Variants in DLG2 observed in about 807,000 individuals in gnomAD.
The protein encoded by DLG2 is disks large homolog 2.
In DLG2, 45 loss-of-function variants were observed where a neutral mutation model predicts 132.5. The observed-to-expected ratio is 0.34, with a 90% CI of 0.27 to 0.44. The LOEUF is 0.44. Ranked by LOEUF, DLG2 falls within the 20% of genes least tolerant of loss-of-function variation. DLG2 has a pLI of 1.00. For synonymous variants in DLG2, 424 were observed against 419.6 expected (o/e 1.01, Z -0.13); for missense variants, 1,045 against 1,196.9 (o/e 0.87, Z 1.87).
chr11:84,527,231 T>C (rs918760655), intron 7 of DLG2, among the ~76,000 whole-genome samples: 6 of 152,200 alleles, frequency 3.9e-5, no homozygotes, highest in African/African-American at 1.4e-4. Flanking sequence ...TTATGACCAG[T>C]CGGGGTTGGC....
At chr11:84,057,302 A>ATG (rs573041507) in intron 11 of DLG2, among the ~76,000 whole-genome samples, 2 of 152,192 alleles carry the variant, frequency 1.3e-5, no homozygotes, top group Non-Finnish European at 2.9e-5. Flanking sequence ...CTATAAATGC[A>ATG]TGATGTTACT....
At chr11:85,371,665 C>A (rs2084987342) in intron 3 of DLG2, among the ~76,000 whole-genome samples, 1 of 152,196 alleles carries the variant, frequency 6.6e-6, no homozygotes, top group African/African-American at 2.4e-5. Flanking sequence ...GTGCAGAGTT[C>A]TTGACCTGTG....
intron 22 of DLG2, among the ~76,000 whole-genome samples, chr11:83,476,739 T>A (rs1340117054): frequency 6.6e-6 from 1 of 151,854 alleles, no homozygotes; most frequent in Non-Finnish European, 1.5e-5. Flanking sequence ...AATTAAGAGG[T>A]CTTGGTTGGA....
intron 6 of DLG2, among the ~76,000 whole-genome samples, chr11:84,642,553 A>G (rs1029916918): frequency 2.6e-5 from 4 of 152,186 alleles, no homozygotes; most frequent in Non-Finnish European, 4.4e-5. Flanking sequence ...ATGGGAAACA[A>G]TAAGAGTGCC....
intron 21 of DLG2, among the ~76,000 whole-genome samples, chr11:83,498,686 AC>A (rs1181542640): frequency 3.3e-5 from 5 of 151,344 alleles, no homozygotes; most frequent in Admixed American, 6.6e-5. Flanking sequence ...AAAAAAAAAA[AC>A]AATAATAAAT....
chr11:84,637,910 A>G (rs2099643550), intron 6 of DLG2, among the ~76,000 whole-genome samples: 1 of 152,234 alleles, frequency 6.6e-6, no homozygotes, highest in Non-Finnish European at 1.5e-5. Flanking sequence ...AAAAAAAGTT[A>G]AACATTTACA....
chr11:83,558,125 C>G (rs1227298316), intron 19 of DLG2, among the ~76,000 whole-genome samples: 1 of 152,106 alleles, frequency 6.6e-6, no homozygotes, highest in African/African-American at 2.4e-5. Flanking sequence ...ATAATTTCTC[C>G]AAACTGGCTC....
chr11:83,923,744 G>A (rs961111949), intron 15 of DLG2, among the ~76,000 whole-genome samples: 2 of 152,064 alleles, frequency 1.3e-5, no homozygotes, highest in African/African-American at 4.8e-5. Context: ...TCTCAGTTCA[G>A]TTCTTCATTA....
At chr11:84,311,542 C>T (rs955071844) in intron 7 of DLG2, among the ~76,000 whole-genome samples, 7 of 152,110 alleles carry the variant, frequency 4.6e-5, no homozygotes, top group African/African-American at 1.7e-4. Flanking sequence ...AAAGTGCTTC[C>T]CAATAATTAA....
Position 83,980,520 on chromosome 11 carries a change from C to T in DLG2, c.1042G>A (p.Asp348Asn). 6.2e-7 allele frequency: 1 copy of T among 1,613,354 alleles called. No homozygotes were observed. The highest frequency in any genetic ancestry group is 1.3e-5 in the African/African-American group (1 of 74,998). ...GTCACACTCACCATTAGTAGTCTAT[C>T]TCCTACTTGCAACCTTCCATCTTTT... is the stretch of plus-strand genomic sequence containing the variant. The part of the protein sequence containing the change: ...AQKDGRLQVG[D>N]RLLMVNNYSL... The change falls in exon 12 of 28, where the codon GAT becomes AAT. Residue 348 changes from aspartate to asparagine, a missense_variant. By Grantham distance (23) the Asp-to-Asn change is conservative. Around this residue, in one of 4 missense-constraint regions of DLG2, gnomAD observed 261 missense variants for 256.1 expected, o/e 1.02. Transcript: ENST00000376104.
chr11:84,428,350 C>T (rs529927300), intron 7 of DLG2, among the ~76,000 whole-genome samples: 23 of 152,294 alleles, frequency 1.5e-4, no homozygotes, highest in Non-Finnish European at 2.4e-4. Context: ...CCTTATTAGA[C>T]ATCATCATAT....
intron 5 of DLG2, among the ~76,000 whole-genome samples, chr11:85,113,793 G>T (rs1467627132): frequency 6.6e-6 from 1 of 151,868 alleles, no homozygotes; most frequent in South Asian, 2.1e-4. Flanking sequence ...TCTACCCAAA[G>T]ATCTTTCCCA....
chr11:84,778,788 C>T (rs944312282), intron 6 of DLG2, among the ~76,000 whole-genome samples: 1 of 152,208 alleles, frequency 6.6e-6, no homozygotes, highest in African/African-American at 2.4e-5. Context: ...AAGACTCACC[C>T]TCAAGAAGAC....
chr11:83,678,687 G>C (rs1052823883), intron 18 of DLG2, among the ~76,000 whole-genome samples: 1 of 152,140 alleles, frequency 6.6e-6, no homozygotes, highest in Non-Finnish European at 1.5e-5. Flanking sequence ...AGAAGGGACA[G>C]AGAGCAAGAT....
intron 15 of DLG2, among the ~76,000 whole-genome samples, chr11:83,897,753 G>A (rs2072195538): frequency 6.6e-6 from 1 of 151,990 alleles, no homozygotes; most frequent in South Asian, 2.1e-4. Context: ...AACAAACCCT[G>A]TCCTCATTCA....
At position 85,607,816 on chromosome 11, in the gene DLG2, AT is replaced by A. The variant is rs543909100; in HGVS notation, c.-92-9029del. The stretch of plus-strand genomic sequence containing the variant: ...GAAGATAAAAGGCATCAGTCTTCCA[AT>A]TCTGGAGATCCCTCCCCTCCCTCAG... On this transcript the variant is annotated intron_variant, in intron 2 of 27. Transcript: ENST00000376104. 2.2e-3 allele frequency among the ~76,000 whole-genome samples: 329 copies of A among 152,304 alleles called. 1 individual carries two copies. The highest frequency in any genetic ancestry group is 7.6e-3 in the African/African-American group (316 of 41,558).
chr11:85,198,104 A>C (rs1173044238), intron 4 of DLG2, among the ~76,000 whole-genome samples: 2 of 152,236 alleles, frequency 1.3e-5, no homozygotes, highest in Middle Eastern at 3.4e-3. Flanking sequence ...GTCTTTTATA[A>C]AGAAAAAAAA....
intron 5 of DLG2, among the ~76,000 whole-genome samples, chr11:85,138,935 T>C (rs927933563): frequency 1.3e-5 from 2 of 152,058 alleles, no homozygotes; most frequent in Non-Finnish European, 2.9e-5. Flanking sequence ...CTCAATATAG[T>C]GTTTCACTCT....
intron 3 of DLG2, among the ~76,000 whole-genome samples, chr11:85,518,312 G>A (rs1309752393): frequency 6.6e-6 from 1 of 152,180 alleles, no homozygotes; most frequent in Non-Finnish European, 1.5e-5. Context: ...TAGTGATATA[G>A]ACAATAAGGT....
Sources: allele counts gnomAD v4.1 joint callset (sites outside exome capture counted in the v4.1 genomes callset), GRCh38; gene constraint gnomAD v4.1.1; regional missense constraint gnomAD v4.1.1; transcripts MANE v1.5; gene names NCBI Gene and HGNC (gene_info 2026-07-23, HGNC 2026-07-21).